The following CAMTA1 variants were observed in gnomAD, a reference collection of about 807,000 sequenced individuals.
CAMTA1 encodes calmodulin-binding transcription activator 1.
In CAMTA1, 27 loss-of-function variants were observed where a neutral mutation model predicts 170.9. That is an observed-to-expected ratio of 0.16 (90% CI 0.12 to 0.22). CAMTA1 has a LOEUF of 0.22. Among genes scored for constraint, CAMTA1 ranks in the 10% least tolerant of loss-of-function variants. CAMTA1 has a pLI of 1.00. For synonymous variants in CAMTA1, 833 were observed against 891.5 expected (o/e 0.93, Z 1.17); for missense variants, 1,619 against 2,217.2 (o/e 0.73, Z 5.42).
chr1:7,134,824 T>C (rs1381937282), intron 4 of CAMTA1, among the ~76,000 whole-genome samples: 3 of 152,110 alleles, frequency 2.0e-5, no homozygotes, highest in Non-Finnish European at 2.9e-5. Flanking sequence ...AAACAGAGAA[T>C]CTACAGAGTG....
chr1:6,981,018 C>A (rs1173158037), intron 3 of CAMTA1, among the ~76,000 whole-genome samples: 4 of 151,970 alleles, frequency 2.6e-5, no homozygotes, highest in Non-Finnish European at 5.9e-5. Flanking sequence ...TCAGAACTCT[C>A]TGGATTCCAG....
intron 5 of CAMTA1, among the ~76,000 whole-genome samples, chr1:7,334,876 T>C (rs916516787): frequency 3.3e-5 from 5 of 152,136 alleles, no homozygotes; most frequent in South Asian, 2.1e-4. Flanking sequence ...GTAATTCTTA[T>C]CACCTGGCAT....
chr1:6,808,809 A>G (rs1040177728), intron 1 of CAMTA1, among the ~76,000 whole-genome samples: 1 of 152,124 alleles, frequency 6.6e-6, no homozygotes, highest in African/African-American at 2.4e-5. Context: ...TGTCTGTAGA[A>G]TTGGGGTGAG....
chr1:7,152,008 A>G (rs1646605284), intron 4 of CAMTA1, among the ~76,000 whole-genome samples: 1 of 152,082 alleles, frequency 6.6e-6, no homozygotes, highest in African/African-American at 2.4e-5. Flanking sequence ...TAGCTTGGTG[A>G]CTGTTTGGTA....
chr1:7,009,678 C>G (rs1699513656), intron 3 of CAMTA1, among the ~76,000 whole-genome samples: 1 of 152,224 alleles, frequency 6.6e-6, no homozygotes, highest in South Asian at 2.1e-4. Context: ...TTCTGTCCCC[C>G]AGAGCCCCGG....
intron 4 of CAMTA1, among the ~76,000 whole-genome samples, chr1:7,180,960 C>A (rs1035751149): frequency 2.6e-5 from 4 of 152,164 alleles, no homozygotes; most frequent in African/African-American, 9.7e-5. Flanking sequence ...AATTACAGAA[C>A]AATATCACTT....
intron 6 of CAMTA1, among the ~76,000 whole-genome samples, chr1:7,472,689 A>AC (rs1162323436): frequency 1.3e-5 from 2 of 152,136 alleles, no homozygotes; most frequent in African/African-American, 2.4e-5. Context: ...TGCTGCCCCC[A>AC]CATGAGCCTT....
At chr1:6,964,281 C>A (rs1471098104) in intron 3 of CAMTA1, among the ~76,000 whole-genome samples, 1 of 151,400 alleles carries the variant, frequency 6.6e-6, no homozygotes, top group Non-Finnish European at 1.5e-5. Flanking sequence ...GGTGCGGAGT[C>A]CTGGGTGTTC....
At chr1:7,684,543 G>A (rs1019643198) in intron 11 of CAMTA1, among the ~76,000 whole-genome samples, 2 of 152,168 alleles carry the variant, frequency 1.3e-5, no homozygotes, top group African/African-American at 2.4e-5. Context: ...GCTGATCATC[G>A]TTATGGATCC....
intron 16 of CAMTA1, among the ~76,000 whole-genome samples, chr1:7,742,553 C>T (rs2096826602): frequency 6.6e-6 from 1 of 152,098 alleles, no homozygotes; most frequent in African/African-American, 2.4e-5. Flanking sequence ...ATTTAAAGGC[C>T]GTCTTCTCTG....
At chr1:6,800,556 T>C (rs1643634978) in intron 1 of CAMTA1, among the ~76,000 whole-genome samples, 2 of 152,200 alleles carry the variant, frequency 1.3e-5, no homozygotes, top group Admixed American at 1.3e-4. Context: ...AAATAATATA[T>C]GATTACAGAT....
chr1:7,597,740 A>G (rs2095411079), intron 6 of CAMTA1, among the ~76,000 whole-genome samples: 1 of 152,018 alleles, frequency 6.6e-6, no homozygotes, highest in African/African-American at 2.4e-5. Context: ...TTTGCATAAG[A>G]CCTTCAATGA....
At chr1:7,702,489 C>T (rs1299830602) in intron 11 of CAMTA1, among the ~76,000 whole-genome samples, 1 of 152,164 alleles carries the variant, frequency 6.6e-6, no homozygotes, top group African/African-American at 2.4e-5. Flanking sequence ...CAGAGGCAGG[C>T]GCTGTCTCTC....
At chr1:7,053,431 C>A (rs1349460885) in intron 3 of CAMTA1, among the ~76,000 whole-genome samples, 1 of 152,240 alleles carries the variant, frequency 6.6e-6, no homozygotes, top group Non-Finnish European at 1.5e-5. Flanking sequence ...TCACTCCTGC[C>A]TCTGCGCCCT....
intron 4 of CAMTA1, among the ~76,000 whole-genome samples, chr1:7,204,717 C>T (rs1438272443): frequency 6.6e-6 from 1 of 150,708 alleles, no homozygotes; most frequent in Non-Finnish European, 1.5e-5. Flanking sequence ...AATATTCTAT[C>T]TAGTTGTTCT....
Position 7,547,079 on chromosome 1 carries a change from T to C in CAMTA1, c.510+79178T>C, listed in dbSNP as rs1324311886. Among the ~76,000 whole-genome samples the C allele has an allele frequency of 2.6e-5, 4 of 152,224 alleles. No homozygotes were observed. The highest frequency in any genetic ancestry group is 5.9e-5 in the Non-Finnish European group (4 of 68,042). On this transcript the variant is annotated intron_variant, in intron 6 of 22. Transcript: ENST00000303635. This position sits in a 1 kb window ranked among gnomAD's most constrained non-coding sequence, Gnocchi z 5.7. ...CCATTGTTATTTATTTCAGTGTTCA[T>C]GTTGTCTCAGATTTGGTTGGTGGAC... is the stretch of plus-strand genomic sequence containing the variant.
chr1:7,377,717 C>T (rs1472094014), intron 5 of CAMTA1, among the ~76,000 whole-genome samples: 5 of 152,078 alleles, frequency 3.3e-5, no homozygotes, highest in Non-Finnish European at 7.4e-5. Context: ...GTCAGGAGTT[C>T]GAGACCAGCC....
intron 1 of CAMTA1, among the ~76,000 whole-genome samples, chr1:6,795,242 A>C (rs906229622): frequency 1.3e-5 from 2 of 152,156 alleles, no homozygotes; most frequent in African/African-American, 4.8e-5. Flanking sequence ...ACTAGAGTGC[A>C]GTAGTGCAAT....
At chr1:7,747,681 A>AT (rs752079945) in intron 18 of CAMTA1, 29 bp from the exon 19 acceptor site, 73 of 1,518,534 alleles carry the variant, frequency 4.8e-5, no homozygotes, top group South Asian at 6.0e-5. Flanking sequence ...ATCATTACTG[A>AT]TTTTTTTTCT....
Sources: allele counts gnomAD v4.1 joint callset (sites outside exome capture counted in the v4.1 genomes callset), GRCh38; gene constraint gnomAD v4.1.1; non-coding constraint Gnocchi (gnomAD v3.1); transcripts MANE v1.5; gene names NCBI Gene and HGNC (gene_info 2026-07-23, HGNC 2026-07-21).